Variants in LYPLAL1 observed in about 807,000 individuals in gnomAD.
LYPLAL1 encodes the protein lysophospholipase like 1, also known as lysophospholipase-like protein 1.
A neutral mutation model predicts 19.7 loss-of-function variants in LYPLAL1; 23 were observed. The observed-to-expected ratio is 1.17, with a 90% CI of 0.84 to 1.65. The LOEUF (loss-of-function observed/expected upper bound fraction) is 1.65. LYPLAL1 is among the 40% of genes most tolerant of loss of function. The probability of loss-of-function intolerance (pLI) is 0.00; values close to 1 mark genes in which losing one functional copy is unlikely to be tolerated. For missense variants in LYPLAL1, 355 were observed against 279.4 expected (o/e 1.27, Z -1.93); for synonymous variants, 119 against 96.3 (o/e 1.24, Z -1.38).
At chr1:219,417,466 T>C in the LYPLAL1 span, among the ~76,000 whole-genome samples, 6 of 152,348 alleles carry the variant, frequency 3.9e-5, no homozygotes, top group African/African-American at 1.2e-4. Flanking sequence ...TTGAGGGCTA[T>C]CATTCTAAGG....
At chr1:219,334,748 CTTA>C in the LYPLAL1 span, among the ~76,000 whole-genome samples, 3 of 151,620 alleles carry the variant, frequency 2.0e-5, no homozygotes, top group Admixed American at 6.6e-5. Flanking sequence ...GTATTGTGTA[CTTA>C]TTATTATTAT....
At chr1:219,308,902 G>A in the LYPLAL1 span, among the ~76,000 whole-genome samples, 13 of 152,302 alleles carry the variant, frequency 8.5e-5, no homozygotes, top group East Asian at 1.9e-4. Context: ...GAGAGCCAGC[G>A]TTCTCCAGAC....
At position 219,212,207 on chromosome 1, in the gene LYPLAL1, A is replaced by C. The variant is rs1265455080; in HGVS notation, c.*479A>C. The C allele has an allele frequency of 6.6e-6, 1 of 152,324 alleles. No individual in the cohort carries two copies. The highest frequency in any genetic ancestry group is 1.5e-5 in the Non-Finnish European group (1 of 68,162). The allele number at this position is 152,324 out of a possible 1,614,324, so 9.4% of individuals were successfully genotyped here. On this transcript the variant is annotated 3_prime_UTR_variant, in exon 5 of 5. Coordinates refer to ENST00000366928, the MANE Select transcript of LYPLAL1 (RefSeq NM_138794.5). ...AAGAGCTTTGTGAAGTAAGCCGAGAAGTTGTTACTGGTATTTAATAATAGC... is the reference window on the plus strand; with the variant it reads ...AAGAGCTTTGTGAAGTAAGCCGAGACGTTGTTACTGGTATTTAATAATAGC...
chr1:219,316,219 C>T, the LYPLAL1 span, among the ~76,000 whole-genome samples: 2 of 152,258 alleles, frequency 1.3e-5, no homozygotes, highest in East Asian at 3.9e-4. Flanking sequence ...TCTACATCCT[C>T]TTCATTCTGT....
chr1:219,237,462 A>G, the LYPLAL1 span, among the ~76,000 whole-genome samples: 1 of 152,334 alleles, frequency 6.6e-6, no homozygotes, highest in East Asian at 1.9e-4. Context: ...TTATTGGATA[A>G]TGTGATACAA....
the LYPLAL1 span, among the ~76,000 whole-genome samples, chr1:219,416,933 G>A: frequency 6.6e-6 from 1 of 152,148 alleles, no homozygotes; most frequent in African/African-American, 2.4e-5. Flanking sequence ...CTGGGCTTAT[G>A]GATTTTAAGA....
At chr1:219,325,699 A>G in the LYPLAL1 span, among the ~76,000 whole-genome samples, 1 of 152,176 alleles carries the variant, frequency 6.6e-6, no homozygotes, top group Non-Finnish European at 1.5e-5. Flanking sequence ...GAGAAACAGA[A>G]TGAATTCTGA....
chr1:219,403,391 C>A, the LYPLAL1 span, among the ~76,000 whole-genome samples: 1 of 152,008 alleles, frequency 6.6e-6, no homozygotes, highest in Non-Finnish European at 1.5e-5. Flanking sequence ...GGGGGGCTGA[C>A]CAAAGAAGGT....
chr1:219,328,925 T>C, the LYPLAL1 span, among the ~76,000 whole-genome samples: 1 of 152,222 alleles, frequency 6.6e-6, no homozygotes, highest in East Asian at 1.9e-4. Context: ...TTTCTATCCT[T>C]ATTAACTTTT....
chr1:219,366,167 A>G, the LYPLAL1 span, among the ~76,000 whole-genome samples: 74 of 152,272 alleles, frequency 4.9e-4, no homozygotes, highest in South Asian at 0.014. Context: ...AATGATCACT[A>G]CTGCAAAACT....
chr1:219,184,899 CCT>C (rs1329283897), intron 2 of LYPLAL1, among the ~76,000 whole-genome samples: 1 of 151,426 alleles, frequency 6.6e-6, no homozygotes, highest in Non-Finnish European at 1.5e-5. Context: ...TTCTTTAATG[CCT>C]TTGAAAAACG....
At chr1:219,359,390 T>C in the LYPLAL1 span, among the ~76,000 whole-genome samples, 1 of 152,218 alleles carries the variant, frequency 6.6e-6, no homozygotes, top group South Asian at 2.1e-4. Flanking sequence ...GCCTCATTAT[T>C]TGGGGGCTTG....
In LYPLAL1 at chr1:219,179,202, A is replaced by G. The variant is rs766423559; in HGVS notation, c.147A>G (p.Leu49=). The G allele has an allele frequency of 1.9e-6, 3 of 1,612,636 alleles. No individual in the cohort carries two copies. The Admixed American group carries it at 5.0e-5, about 27-fold the overall frequency. ...MWIKQVLNQD[L]TFQHIKIIYP... ...TCAAGCAGGTTTTAAATCAAGATTT[A>G]ACATTCCAACACATAAAAATTATTT... is the stretch of plus-strand genomic sequence containing the variant. Residue 49 remains leucine, a synonymous_variant, in exon 2 of 5, where the codon TTA becomes TTG. Coordinates refer to ENST00000366928, the MANE Select transcript of LYPLAL1 (RefSeq NM_138794.5).
At chr1:219,288,222 T>C in the LYPLAL1 span, among the ~76,000 whole-genome samples, 1 of 152,326 alleles carries the variant, frequency 6.6e-6, no homozygotes, top group Middle Eastern at 3.4e-3. Context: ...ACCAAGATGT[T>C]CTTCAGTAGG....
chr1:219,214,688 CTTTT>C (rs11477665), downstream of LYPLAL1, among the ~76,000 whole-genome samples: 4 of 90,384 alleles, frequency 4.4e-5, no homozygotes, highest in South Asian at 3.7e-4. Context: ...TTTTTCTTTT[CTTTT>C]TTTTTTTTTT....
At chr1:219,411,592 G>GCATTGGCTGCCCGAA in the LYPLAL1 span, 2 of 152,110 alleles carry the variant, frequency 1.3e-5, no homozygotes, top group Non-Finnish European at 2.9e-5. Flanking sequence ...GGCTGCCCGA[G>GCATTGGCTGCCCGAA]CCAGCATTGG....
At chr1:219,281,513 G>A in the LYPLAL1 span, among the ~76,000 whole-genome samples, 1 of 152,124 alleles carries the variant, frequency 6.6e-6, no homozygotes, top group Admixed American at 6.5e-5. Context: ...CTTGGTTTCA[G>A]AAGAAAGTGG....
At chr1:219,275,967 A>G in the LYPLAL1 span, among the ~76,000 whole-genome samples, 1 of 152,232 alleles carries the variant, frequency 6.6e-6, no homozygotes, top group African/African-American at 2.4e-5. Flanking sequence ...TGGAGCAAAC[A>G]AAATTAAAGC....
chr1:219,183,926 T>C (rs574589981), intron 2 of LYPLAL1, among the ~76,000 whole-genome samples: 31 of 152,070 alleles, frequency 2.0e-4, no homozygotes, highest in Non-Finnish European at 4.3e-4. Flanking sequence ...TAATTTGAAT[T>C]CTTATCTAGA....
Sources: allele counts gnomAD v4.1 joint callset (sites outside exome capture counted in the v4.1 genomes callset), GRCh38; gene constraint gnomAD v4.1.1; transcripts MANE v1.5; gene names NCBI Gene and HGNC (gene_info 2026-07-23, HGNC 2026-07-21).